ADAMTS17: variants seen among roughly 807,000 people sequenced by gnomAD.
ADAMTS17 encodes the protein A disintegrin and metalloproteinase with thrombospondin motifs 17.
In ADAMTS17, 113 loss-of-function variants were observed where a neutral mutation model predicts 141.5. That is an observed-to-expected ratio of 0.80 (90% CI 0.69 to 0.93). The LOEUF (loss-of-function observed/expected upper bound fraction) is 0.93. Ranked by LOEUF, ADAMTS17 falls within the 40% of genes least tolerant of loss-of-function variation. The pLI is 0.00. For missense variants in ADAMTS17, 1,659 were observed against 1,517.9 expected (o/e 1.09, Z -1.54); for synonymous variants, 768 against 630.6 (o/e 1.22, Z -3.27).
chr15:100,133,950 AC>A (rs1408014725), intron 10 of ADAMTS17, among the ~76,000 whole-genome samples: 2 of 152,262 alleles, frequency 1.3e-5, no homozygotes, highest in Non-Finnish European at 2.9e-5. Context: ...CTACAAATAC[AC>A]AATTAAAATA....
chr15:100,258,619 A>G (rs546844017), intron 6 of ADAMTS17, among the ~76,000 whole-genome samples: 1 of 152,112 alleles, frequency 6.6e-6, no homozygotes, highest in Non-Finnish European at 1.5e-5. Flanking sequence ...CTTCTTCACG[A>G]TCCCGAGAAC....
At chr15:99,981,367 GA>G (rs1173109342) in intron 20 of ADAMTS17, among the ~76,000 whole-genome samples, 1 of 152,240 alleles carries the variant, frequency 6.6e-6, no homozygotes, top group South Asian at 2.1e-4. Context: ...GGCCAGGTGT[GA>G]GGCAGTTCTG....
intron 8 of ADAMTS17, among the ~76,000 whole-genome samples, chr15:100,163,896 G>A (rs2039841380): frequency 6.6e-6 from 1 of 152,182 alleles, no homozygotes; most frequent in South Asian, 2.1e-4. Flanking sequence ...TTACCAGTGT[G>A]TCTTCACAGC....
intron 3 of ADAMTS17, among the ~76,000 whole-genome samples, chr15:100,329,119 A>G (rs2045974933): frequency 6.6e-6 from 1 of 152,054 alleles, no homozygotes; most frequent in Non-Finnish European, 1.5e-5. Flanking sequence ...GTAGCTGTTA[A>G]AGCTTCCCAG....
chr15:100,171,546 C>T (rs1179543324), intron 8 of ADAMTS17, among the ~76,000 whole-genome samples: 1 of 152,192 alleles, frequency 6.6e-6, no homozygotes, highest in Non-Finnish European at 1.5e-5. Flanking sequence ...TGCCTTTGCC[C>T]CCATCTGGAT....
chr15:100,100,800 T>C (rs2141043533), intron 14 of ADAMTS17, among the ~76,000 whole-genome samples: 1 of 152,278 alleles, frequency 6.6e-6, no homozygotes, highest in African/African-American at 2.4e-5. Flanking sequence ...CCCCACTGCC[T>C]ATCAGAAACG....
intron 18 of ADAMTS17, among the ~76,000 whole-genome samples, chr15:100,008,337 AG>A (rs1159377748): frequency 1.3e-5 from 2 of 152,164 alleles, no homozygotes; most frequent in Non-Finnish European, 2.9e-5. Flanking sequence ...GGAAGCACCC[AG>A]GGTGACCAAG....
At chr15:99,996,683 A>G (rs1035789637) in intron 19 of ADAMTS17, among the ~76,000 whole-genome samples, 2 of 152,206 alleles carry the variant, frequency 1.3e-5, no homozygotes, top group African/African-American at 4.8e-5. Context: ...AAAATTTTCC[A>G]CACTGAAGAG....
At position 100,311,307 on chromosome 15, in the gene ADAMTS17, C is replaced by T. The variant is rs1596496157; in HGVS notation, c.616+19582G>A. Among the ~76,000 whole-genome samples, 3 of 152,316 alleles carry T rather than the reference C, an allele frequency of 2.0e-5. No individual in the cohort carries two copies. The South Asian group carries it at 6.2e-4, about 32-fold the overall frequency. ...CTCTCTCCACCCCCACCGCCCCCTG[C>T]AACACCAAGCCAGCACCGAGGCCAT... On this transcript the variant is annotated intron_variant, in intron 3 of 21. Transcript: ENST00000268070.
At chr15:100,066,317 G>A (rs959228516) in intron 15 of ADAMTS17, among the ~76,000 whole-genome samples, 2 of 152,030 alleles carry the variant, frequency 1.3e-5, no homozygotes, top group African/African-American at 4.8e-5. Context: ...ACCATACCAA[G>A]AACTCAGAGT....
intron 6 of ADAMTS17, among the ~76,000 whole-genome samples, chr15:100,257,644 A>G (rs1407961122): frequency 6.6e-6 from 1 of 152,222 alleles, no homozygotes; most frequent in Admixed American, 6.5e-5. Flanking sequence ...GGATGAGGAC[A>G]TTGCCCATGC....
chr15:100,020,811 C>T (rs534288506), intron 18 of ADAMTS17, among the ~76,000 whole-genome samples: 1 of 152,336 alleles, frequency 6.6e-6, no homozygotes, highest in African/African-American at 2.4e-5. Context: ...CTGTGTCTAT[C>T]TCCATGCACT....
intron 6 of ADAMTS17, among the ~76,000 whole-genome samples, chr15:100,255,207 C>T (rs1035559088): frequency 6.6e-6 from 1 of 152,108 alleles, no homozygotes; most frequent in South Asian, 2.1e-4. Context: ...CATTCCTATG[C>T]TTCTTTATAA....
intron 18 of ADAMTS17, among the ~76,000 whole-genome samples, chr15:99,998,148 C>G (rs1178665117): frequency 6.6e-6 from 1 of 152,122 alleles, no homozygotes; most frequent in Non-Finnish European, 1.5e-5. Flanking sequence ...GACAAAGAAC[C>G]CCCCAGCCCA....
intron 7 of ADAMTS17, among the ~76,000 whole-genome samples, chr15:100,216,343 T>C (rs1193403454): frequency 6.6e-6 from 1 of 152,220 alleles, no homozygotes; most frequent in African/African-American, 2.4e-5. Flanking sequence ...CAGGACAATT[T>C]CACAATGATC....
At chr15:100,293,558 G>C (rs189746365) in intron 3 of ADAMTS17, among the ~76,000 whole-genome samples, 2 of 152,246 alleles carry the variant, frequency 1.3e-5, no homozygotes, top group East Asian at 3.9e-4. Context: ...TGGAACTCTG[G>C]AGGTCACCCA....
At chr15:100,223,731 TACACATGTATGTGTATATATATATAC>T (rs939462707) in intron 7 of ADAMTS17, among the ~76,000 whole-genome samples, 4 of 145,974 alleles carry the variant, frequency 2.7e-5, no homozygotes, top group Admixed American at 1.3e-4. Flanking sequence ...AGTGTATATA[TACACATGTATGTGTATATATATATAC>T]ACACACACAT....
chr15:100,062,954 T>C (rs187427087), intron 15 of ADAMTS17, among the ~76,000 whole-genome samples: 31 of 152,174 alleles, frequency 2.0e-4, no homozygotes, highest in Non-Finnish European at 1.0e-4. Flanking sequence ...CACTTCTGTG[T>C]CCAACTGAGA....
intron 4 of ADAMTS17, among the ~76,000 whole-genome samples, chr15:100,266,558 T>C (rs980311550): frequency 2.6e-5 from 4 of 152,126 alleles, no homozygotes; most frequent in South Asian, 2.1e-4. Context: ...ATGAGGCTGC[T>C]CTCCACACCC....
Sources: allele counts gnomAD v4.1 joint callset (sites outside exome capture counted in the v4.1 genomes callset), GRCh38; gene constraint gnomAD v4.1.1; transcripts MANE v1.5; gene names NCBI Gene and HGNC (gene_info 2026-07-23, HGNC 2026-07-21).